Variants in TPD52L1 observed in about 807,000 individuals in gnomAD.
TPD52L1 encodes TPD52 like 1.
Under a neutral mutation model 28.7 loss-of-function variants are expected in TPD52L1, and 18 were observed. That is an observed-to-expected ratio of 0.63 (90% confidence interval 0.43 to 0.93). TPD52L1 has a LOEUF of 0.93. Among genes scored for constraint, TPD52L1 ranks in the 40% least tolerant of loss-of-function variants. The probability of loss-of-function intolerance (pLI) is 0.00; values close to 1 mark genes in which losing one functional copy is unlikely to be tolerated. For synonymous variants in TPD52L1, 75 were observed against 88.8 expected (o/e 0.84, Z 0.88); for missense variants, 203 against 254.8 (o/e 0.80, Z 1.39).
intron 1 of TPD52L1, among the ~76,000 whole-genome samples, chr6:125,171,789 G>A (rs927049152): frequency 2.0e-5 from 3 of 152,332 alleles, no homozygotes; most frequent in Admixed American, 6.5e-5. Context: ...CAGCTAAGCT[G>A]TGCCTGGATT....
At chr6:125,173,680 A>C (rs1401000059) in intron 1 of TPD52L1, among the ~76,000 whole-genome samples, 1 of 152,238 alleles carries the variant, frequency 6.6e-6, no homozygotes, top group Non-Finnish European at 1.5e-5. Context: ...ACATATATAC[A>C]AATACATGTA....
intron 6 of TPD52L1, 171 bp from the exon 7 acceptor site, chr6:125,262,663 A>G (rs3799721): frequency 0.1 from 87,490 of 862,424 alleles, 6,128 homozygotes; most frequent in East Asian, 0.33. Flanking sequence ...CCAAGTATGA[A>G]TAATATTCTA....
chr6:125,229,084 C>T (rs372282589), intron 2 of TPD52L1, 34 bp from the exon 3 acceptor site: 6 of 1,600,416 alleles, frequency 3.7e-6, no homozygotes, highest in Non-Finnish European at 5.1e-6. Flanking sequence ...GCTGGTCTGA[C>T]ATTTTCCCCC....
intron 6 of TPD52L1, chr6:125,260,982 A>AAAG (rs71551733): frequency 6.0e-4 from 27 of 44,746 alleles, no homozygotes; most frequent in African/African-American, 2.8e-3. Context: ...GAAAGAAAAG[A>AAAG]AAAGAAAGAA....
intron 3 of TPD52L1, among the ~76,000 whole-genome samples, chr6:125,243,316 A>G (rs984442391): frequency 6.6e-6 from 1 of 152,080 alleles, no homozygotes; most frequent in Non-Finnish European, 1.5e-5. Context: ...ATTTCACAGG[A>G]GTTCTTTGAG....
intron 4 of TPD52L1, among the ~76,000 whole-genome samples, chr6:125,251,831 C>G (rs1797282319): frequency 6.6e-6 from 1 of 152,128 alleles, no homozygotes; most frequent in Admixed American, 6.5e-5. Context: ...ATAACAGAAG[C>G]AAAACTTGAG....
intron 1 of TPD52L1, among the ~76,000 whole-genome samples, chr6:125,203,079 T>C (rs989444456): frequency 2.6e-5 from 4 of 152,134 alleles, no homozygotes; most frequent in Non-Finnish European, 5.9e-5. Flanking sequence ...CCATGAAATG[T>C]GAATTTGAAT....
At chr6:125,249,496 T>C (rs1401939271) in intron 4 of TPD52L1, among the ~76,000 whole-genome samples, 1 of 151,620 alleles carries the variant, frequency 6.6e-6, no homozygotes, top group African/African-American at 2.4e-5. Flanking sequence ...CTGACCAACA[T>C]GGTGAGACCC....
In TPD52L1 at chr6:125,153,901, T is replaced by C. The variant is rs1359474518; in HGVS notation, c.-51T>C. The C allele has an allele frequency of 2.5e-6, 4 of 1,579,712 alleles. No homozygotes were observed. The highest frequency in any genetic ancestry group is 2.3e-5 in the South Asian group (2 of 86,786). On this transcript the variant is annotated 5_prime_UTR_variant, in exon 1 of 7. Coordinates refer to ENST00000534000, the MANE Select transcript of TPD52L1 (RefSeq NM_003287.4). ...GAGCCTGGGCGCAGCTGCCATCTGC[T>C]CTGGGAAGCACCAGGGTGTCCCCGC...
intron 2 of TPD52L1, among the ~76,000 whole-genome samples, chr6:125,225,490 C>T (rs953725548): frequency 2.6e-5 from 4 of 152,136 alleles, no homozygotes; most frequent in Non-Finnish European, 4.4e-5. Context: ...AAGGTTCCAA[C>T]GCCTCCACAT....
intron 1 of TPD52L1, among the ~76,000 whole-genome samples, chr6:125,157,618 G>A (rs192517014): frequency 1.4e-4 from 21 of 152,194 alleles, no homozygotes; most frequent in African/African-American, 4.3e-4. Context: ...GCATTTTCCC[G>A]AAACATACAG....
chr6:125,171,629 T>G (rs1484650819), intron 1 of TPD52L1, among the ~76,000 whole-genome samples: 1 of 152,140 alleles, frequency 6.6e-6, no homozygotes. Flanking sequence ...AACAAAAACC[T>G]GGTTCTTTAG....
intron 1 of TPD52L1, among the ~76,000 whole-genome samples, chr6:125,165,381 T>C (rs1346376226): frequency 1.3e-5 from 2 of 152,160 alleles, no homozygotes; most frequent in Non-Finnish European, 2.9e-5. Context: ...CTTTGGGTCC[T>C]CAAGGAAAGA....
chr6:125,209,080 G>A (rs998768572), intron 1 of TPD52L1, among the ~76,000 whole-genome samples: 13 of 152,124 alleles, frequency 8.5e-5, no homozygotes, highest in Admixed American at 2.6e-4. Flanking sequence ...GATACTGGCC[G>A]CCCAACTTGT....
chr6:125,208,596 A>G (rs1222952357), intron 1 of TPD52L1, among the ~76,000 whole-genome samples: 1 of 151,868 alleles, frequency 6.6e-6, no homozygotes, highest in Admixed American at 6.6e-5. Context: ...TTTTAGAGAC[A>G]TTTTCTTATT....
chr6:125,207,159 G>A (rs1168584376), intron 1 of TPD52L1, among the ~76,000 whole-genome samples: 1 of 152,152 alleles, frequency 6.6e-6, no homozygotes, highest in South Asian at 2.1e-4. Context: ...CCTAGTGGTC[G>A]ATGTGGGGAA....
chr6:125,183,714 G>A (rs1294053447), intron 1 of TPD52L1, among the ~76,000 whole-genome samples: 1 of 151,834 alleles, frequency 6.6e-6, no homozygotes, highest in Non-Finnish European at 1.5e-5. Context: ...AATCTGTGAA[G>A]GTGACTAATA....
intron 1 of TPD52L1, among the ~76,000 whole-genome samples, chr6:125,180,567 T>TAC (rs201759232): frequency 0.058 from 8,445 of 146,772 alleles, 289 homozygotes; most frequent in Middle Eastern, 0.094. Flanking sequence ...ATATATTATA[T>TAC]ATACACACAC....
chr6:125,225,430 C>CT (rs1443673662), intron 2 of TPD52L1, among the ~76,000 whole-genome samples: 1 of 152,178 alleles, frequency 6.6e-6, no homozygotes, highest in African/African-American at 2.4e-5. Context: ...AACTGTACGA[C>CT]TGTTTTCCAC....
Sources: gnomAD v4.1 joint callset for allele counts (sites outside exome capture counted in the v4.1 genomes callset) on GRCh38, gnomAD v4.1.1 for gene constraint, MANE v1.5 for transcripts, NCBI Gene and HGNC (gene_info 2026-07-23, HGNC 2026-07-21) for gene names.